MECOM: variants seen among roughly 807,000 people sequenced by gnomAD.
MECOM encodes MDS1 and EVI1 complex locus.
Under a neutral mutation model 116.3 loss-of-function variants are expected in MECOM, and 13 were observed. The ratio of observed to expected loss-of-function variants is 0.11; its 90% CI spans 0.07 to 0.18. MECOM has a LOEUF of 0.18. Ranked by LOEUF, MECOM falls within the 10% of genes least tolerant of loss-of-function variation. The pLI is 1.00. For missense variants in MECOM, 1,299 were observed against 1,509.0 expected (o/e 0.86, Z 2.31); for synonymous variants, 528 against 535.2 (o/e 0.99, Z 0.19).
At chr3:169,414,584 C>G (rs1371837015) in intron 1 of MECOM, among the ~76,000 whole-genome samples, 2 of 152,244 alleles carry the variant, frequency 1.3e-5, no homozygotes, top group East Asian at 3.9e-4. Context: ...TAACAAACTC[C>G]TCCAAGCTAA....
Position 169,421,928 on chromosome 3 carries a change from AT to A in MECOM, c.38-40405del, listed in dbSNP as rs1172610778. On this transcript the variant is annotated intron_variant, in intron 1 of 16. Coordinates refer to ENST00000651503, the MANE Select transcript of MECOM (RefSeq NM_004991.4). The stretch of plus-strand genomic sequence containing the variant: ...TGAAAATCTGGGCTTCTGAAGAATA[AT>A]TAGCATAGAATAAAGAATTGAGGGT... Among the ~76,000 whole-genome samples the A allele has an allele frequency of 4.6e-5, 7 of 152,264 alleles. No individual in the cohort carries two copies. The East Asian group carries it at 1.3e-3, about 29-fold the overall frequency.
At chr3:169,149,529 T>G (rs1417611486) in intron 2 of MECOM, 1 of 270,088 alleles carries the variant, frequency 3.7e-6, no homozygotes, top group Non-Finnish European at 7.7e-6. Flanking sequence ...CGCCGGCGGC[T>G]CCAGCCACCC....
At chr3:169,661,010 G>T (rs1198121306) in intron 1 of MECOM, among the ~76,000 whole-genome samples, 4 of 152,112 alleles carry the variant, frequency 2.6e-5, no homozygotes, top group African/African-American at 4.8e-5. Flanking sequence ...CAAAATAAAT[G>T]GGTCTCCCAC....
intron 2 of MECOM, chr3:169,146,805 C>A (rs1237560265): frequency 1.8e-6 from 2 of 1,108,314 alleles, no homozygotes; most frequent in Admixed American, 3.9e-5. Flanking sequence ...AATCAGCAGC[C>A]CCCAACGCTC....
intron 2 of MECOM, among the ~76,000 whole-genome samples, chr3:169,153,911 C>T (rs1741551308): frequency 1.3e-5 from 2 of 152,188 alleles, no homozygotes; most frequent in Admixed American, 1.3e-4. Flanking sequence ...AGTAAACTTA[C>T]ATACATGCAC....
intron 1 of MECOM, among the ~76,000 whole-genome samples, chr3:169,559,072 A>G (rs1332282605): frequency 6.6e-6 from 1 of 151,876 alleles, no homozygotes; most frequent in Non-Finnish European, 1.5e-5. Context: ...ACACACAAGT[A>G]TGCATACCCA....
At chr3:169,254,998 T>C (rs1182432117) in intron 2 of MECOM, among the ~76,000 whole-genome samples, 1 of 152,080 alleles carries the variant, frequency 6.6e-6, no homozygotes, top group East Asian at 1.9e-4. Flanking sequence ...TTCCAAAATA[T>C]TCTAAAGGAT....
intron 1 of MECOM, among the ~76,000 whole-genome samples, chr3:169,494,884 C>A (rs1321605743): frequency 6.6e-6 from 1 of 152,162 alleles, no homozygotes; most frequent in African/African-American, 2.4e-5. Context: ...CATTAAAAAT[C>A]AATAATGATG....
chr3:169,573,412 A>G (rs146394422), intron 1 of MECOM, among the ~76,000 whole-genome samples: 1 of 152,350 alleles, frequency 6.6e-6, no homozygotes, highest in East Asian at 1.9e-4. Context: ...TATGGCATTC[A>G]TGATATTGTA....
chr3:169,159,200 G>A lies in MECOM; in HGVS notation c.376-15368C>T, dbSNP rs545819322. ...GCCTTCTGATGTTACACCCTTGAGG[G>A]AGTCTGCTTCTAGTTATGTAATAGT... On this transcript the variant is annotated intron_variant, in intron 2 of 16. Transcript: ENST00000651503. Among the ~76,000 whole-genome samples, 14 of 152,222 alleles carry A rather than the reference G, an allele frequency of 9.2e-5. No homozygotes were observed. In the South Asian group the frequency reaches 1.2e-3, roughly 14 times the overall value.
In MECOM at chr3:169,093,016, G is replaced by C. The variant is rs1560118923; in HGVS notation, c.3106C>G (p.Arg1036Gly). The C allele has an allele frequency of 6.2e-7, 1 of 1,613,728 alleles. No individual in the cohort carries two copies. Residue 1036 changes from arginine (R) to glycine (G), a missense_variant, in exon 14 of 17, where the codon CGA (arginine) becomes GGA (glycine). Around this residue, in one of 6 missense-constraint regions of MECOM, gnomAD observed 273 missense variants for 289.3 expected, o/e 0.94. Coordinates refer to ENST00000651503, the MANE Select transcript of MECOM (RefSeq NM_004991.4). ...TGGTTGCTGTTCCCAATGAAATTTC[G>C]AATTTCTGTGAAGTAAGCATCTTCT... is the stretch of plus-strand genomic sequence containing the variant. ...DKEDAYFTEI[R>G]NFIGNSNHGS...
chr3:169,377,616 A>C (rs1225116796), intron 2 of MECOM, among the ~76,000 whole-genome samples: 1 of 152,220 alleles, frequency 6.6e-6, no homozygotes, highest in Non-Finnish European at 1.5e-5. Context: ...TCGAAACCAC[A>C]ATGAGATACC....
chr3:169,381,641 C>T (rs774674352), intron 1 of MECOM, 117 bp from the exon 2 acceptor site: 68 of 757,260 alleles, frequency 9.0e-5, no homozygotes, highest in African/African-American at 4.2e-4. Flanking sequence ...ACCATTGTTA[C>T]GATGTGCCTT....
intron 2 of MECOM, among the ~76,000 whole-genome samples, chr3:169,177,667 A>T (rs1745361641): frequency 6.6e-6 from 1 of 152,208 alleles, no homozygotes. Context: ...TTGTAATCCC[A>T]GCACTTTGGG....
intron 2 of MECOM, among the ~76,000 whole-genome samples, chr3:169,359,334 C>T (rs1727811467): frequency 6.6e-6 from 1 of 151,766 alleles, no homozygotes; most frequent in Non-Finnish European, 1.5e-5. Context: ...AGATTCATAA[C>T]AGATCTGTGG....
At chr3:169,555,092 T>C (rs1761869132) in intron 1 of MECOM, among the ~76,000 whole-genome samples, 1 of 152,242 alleles carries the variant, frequency 6.6e-6, no homozygotes, top group Non-Finnish European at 1.5e-5. Context: ...AACAGATGCA[T>C]CTGACCCATT....
At chr3:169,090,344 A>G in intron 14 of MECOM, 108 bp from the exon 15 acceptor site, 1 of 949,452 alleles carries the variant, frequency 1.1e-6, no homozygotes, top group South Asian at 1.7e-5. Flanking sequence ...TCAACACTTA[A>G]CATCGGAAAT....
intron 1 of MECOM, among the ~76,000 whole-genome samples, chr3:169,612,452 C>T (rs1400973160): frequency 6.6e-6 from 1 of 152,128 alleles, no homozygotes; most frequent in Non-Finnish European, 1.5e-5. Context: ...ATGCACTTTG[C>T]CAACAGCTTT....
Position 169,128,111 on chromosome 3 carries a change from C to T in MECOM, c.614-51G>A, listed in dbSNP as rs760392600. ...ATTGGGTGGTCAGGAATTGCCATCA[C>T]AAACCAGCCAATCTTACCAAATTTT... is the stretch of plus-strand genomic sequence containing the variant. On this transcript the variant is annotated intron_variant, in intron 4 of 16. Coordinates refer to ENST00000651503, the MANE Select transcript of MECOM (RefSeq NM_004991.4). The T allele has an allele frequency of 6.5e-6, 10 of 1,539,786 alleles. No individual in the cohort carries two copies. The East Asian group carries it at 2.0e-4, about 31-fold the overall frequency.
Sources: allele counts gnomAD v4.1 joint callset (sites outside exome capture counted in the v4.1 genomes callset), GRCh38; gene constraint gnomAD v4.1.1; regional missense constraint gnomAD v4.1.1; transcripts MANE v1.5; gene names NCBI Gene and HGNC (gene_info 2026-07-23, HGNC 2026-07-21).